GRAMD2B: variants seen among roughly 807,000 people sequenced by gnomAD.
GRAMD2B encodes GRAM domain-containing protein 2B.
A neutral mutation model predicts 59.2 loss-of-function variants in GRAMD2B; 41 were observed. The observed-to-expected ratio is 0.69, with a 90% CI of 0.54 to 0.90. The LOEUF (loss-of-function observed/expected upper bound fraction) is 0.90, where lower values mean the gene tolerates loss of function less well. Ranked by LOEUF, GRAMD2B falls within the 40% of genes least tolerant of loss-of-function variation. The probability of loss-of-function intolerance (pLI) is 0.00; values close to 1 mark genes in which losing one functional copy is unlikely to be tolerated. For missense variants in GRAMD2B, 424 were observed against 500.5 expected, an observed-to-expected ratio of 0.85 and a Z score of 1.46; for synonymous variants, 161 against 182.7, an observed-to-expected ratio of 0.88 and a Z score of 0.96.
At chr5:126,438,990 A>G (rs1453294476) in intron 1 of GRAMD2B, among the ~76,000 whole-genome samples, 1 of 152,218 alleles carries the variant, frequency 6.6e-6, no homozygotes, top group Non-Finnish European at 1.5e-5. Context: ...TAGAGATGAC[A>G]TATTGACAAA....
intron 1 of GRAMD2B, among the ~76,000 whole-genome samples, chr5:126,429,062 G>C (rs1280173624): frequency 6.6e-6 from 1 of 152,008 alleles, no homozygotes; most frequent in Non-Finnish European, 1.5e-5. Context: ...AATATAAATT[G>C]TTCTTTTATA....
intron 1 of GRAMD2B, among the ~76,000 whole-genome samples, chr5:126,394,252 A>G (rs1343173984): frequency 4.0e-5 from 6 of 151,458 alleles, no homozygotes; most frequent in Admixed American, 2.6e-4. Context: ...TCCAGCCCGG[A>G]CGACACAGCA....
intron 1 of GRAMD2B, among the ~76,000 whole-genome samples, chr5:126,390,128 C>T (rs1756599991): frequency 6.6e-6 from 1 of 152,100 alleles, no homozygotes; most frequent in Non-Finnish European, 1.5e-5. Context: ...CTGGAAGGTG[C>T]CTCCTCATTT....
chr5:126,376,405 G>C (rs1199860583), intron 1 of GRAMD2B, among the ~76,000 whole-genome samples: 1 of 152,218 alleles, frequency 6.6e-6, no homozygotes, highest in Non-Finnish European at 1.5e-5. Flanking sequence ...CCTCCATTTA[G>C]TGGCTCCAAT....
chr5:126,469,485 A>G (rs1002872139), intron 2 of GRAMD2B, among the ~76,000 whole-genome samples, 192 bp from the exon 3 acceptor site: 7 of 152,172 alleles, frequency 4.6e-5, no homozygotes, highest in African/African-American at 1.7e-4. Flanking sequence ...CTACAAAAAA[A>G]TGAGCTGGGC....
chr5:126,478,506 C>T (rs1771082400), intron 6 of GRAMD2B, among the ~76,000 whole-genome samples: 1 of 151,874 alleles, frequency 6.6e-6, no homozygotes, highest in Non-Finnish European at 1.5e-5. Flanking sequence ...TTTGGGAGGC[C>T]CAAATGGGCA....
chr5:126,443,966 C>A (rs1352953144), intron 1 of GRAMD2B, among the ~76,000 whole-genome samples: 4 of 151,916 alleles, frequency 2.6e-5, no homozygotes, highest in African/African-American at 9.7e-5. Context: ...GCAGGAGAAT[C>A]ACTTGAACCC....
upstream of GRAMD2B, among the ~76,000 whole-genome samples, chr5:126,366,406 C>A (rs1754438308): frequency 6.6e-6 from 1 of 152,170 alleles, no homozygotes; most frequent in South Asian, 2.1e-4. Context: ...CAAATCATAT[C>A]TTTCACTTAT....
At chr5:126,391,318 T>TGAAAAAAAAAAAAAAAAAAA (rs1756731453) in intron 1 of GRAMD2B, among the ~76,000 whole-genome samples, 1 of 6,996 alleles carries the variant, frequency 1.4e-4, no homozygotes, top group Non-Finnish European at 3.8e-4. Flanking sequence ...AGACTCCATC[T>TGAAAAAAAAAAAAAAAAAAA]CAAAAAAAAA....
intron 1 of GRAMD2B, among the ~76,000 whole-genome samples, chr5:126,460,838 G>A (rs1001321189): frequency 2.0e-5 from 3 of 152,138 alleles, no homozygotes; most frequent in African/African-American, 7.2e-5. Flanking sequence ...CCCATTGCCA[G>A]GCATTTATTC....
At chr5:126,448,839 T>C (rs1424159440) in intron 1 of GRAMD2B, among the ~76,000 whole-genome samples, 21 of 152,350 alleles carry the variant, frequency 1.4e-4, no homozygotes. Context: ...AACTCATCTT[T>C]GTTTCCTTAT....
rs199685318 is a variant in GRAMD2B, at chr5:126,488,840, A to G, written c.1205A>G (p.Asn402Ser). The G allele has an allele frequency of 1.2e-5, 19 of 1,613,788 alleles. No homozygotes were observed. The highest frequency in any genetic ancestry group is 1.5e-5 in the Non-Finnish European group (18 of 1,179,854). ...GGCCTGAGGTCACAAGTACAATTCA[A>G]TGTGGAGGTTCTCTGTCAAGAGCTT... is the stretch of plus-strand genomic sequence containing the variant. ...PSGLRSQVQFNVEVLCQELTA... is the reference protein window; with the variant it reads ...PSGLRSQVQFSVEVLCQELTA... Residue 402 changes from asparagine (N) to serine (S), a missense_variant, in exon 13 of 14, where the codon AAT becomes AGT. Physicochemically the swap from Asn to Ser is conservative, Grantham distance 46. Coordinates refer to ENST00000285689, the MANE Select transcript of GRAMD2B (RefSeq NM_023927.4).
intron 1 of GRAMD2B, among the ~76,000 whole-genome samples, chr5:126,399,215 G>A (rs776397666): frequency 6.6e-6 from 1 of 152,044 alleles, no homozygotes; most frequent in Admixed American, 6.6e-5. Context: ...TACTATTATA[G>A]TATTGCTCTT....
Position 126,454,657 on chromosome 5 carries a change from A to G in GRAMD2B, c.84-10769A>G, listed in dbSNP as rs942605223. 3.3e-5 allele frequency among the ~76,000 whole-genome samples: 5 copies of G among 152,212 alleles called. No individual in the cohort carries two copies. The East Asian group carries it at 7.7e-4, about 23-fold the overall frequency. The stretch of plus-strand genomic sequence containing the variant: ...TTGTTCATGGGACAATGACTTGTCC[A>G]CTTTCATGAGAACAGAGGGGTCTTC... On this transcript the variant is annotated intron_variant, in intron 1 of 13. Transcript: ENST00000285689.
chr5:126,427,213 C>A (rs1049398861), intron 1 of GRAMD2B, among the ~76,000 whole-genome samples: 5 of 152,206 alleles, frequency 3.3e-5, no homozygotes, highest in African/African-American at 1.2e-4. Flanking sequence ...CTGCACCCAT[C>A]AACCCATCAT....
intron 1 of GRAMD2B, among the ~76,000 whole-genome samples, chr5:126,444,097 A>G: frequency 6.6e-6 from 1 of 151,834 alleles, no homozygotes; most frequent in East Asian, 1.9e-4. Context: ...ACCACCACTA[A>G]TACCACCACC....
At chr5:126,378,801 C>G (rs1054028122) in intron 1 of GRAMD2B, among the ~76,000 whole-genome samples, 1 of 152,174 alleles carries the variant, frequency 6.6e-6, no homozygotes, top group African/African-American at 2.4e-5. Context: ...TAATTTTACA[C>G]AAATGGTTTT....
At chr5:126,461,270 C>G (rs1219575323) in intron 1 of GRAMD2B, among the ~76,000 whole-genome samples, 5 of 152,162 alleles carry the variant, frequency 3.3e-5, no homozygotes, top group Non-Finnish European at 5.9e-5. Context: ...TTGAGTTTAG[C>G]TGAAACTCAC....
At chr5:126,397,284 G>C (rs935216376) in intron 1 of GRAMD2B, among the ~76,000 whole-genome samples, 1 of 152,162 alleles carries the variant, frequency 6.6e-6, no homozygotes, top group African/African-American at 2.4e-5. Context: ...AAACAGAGTG[G>C]TGTGATCTTG....
Sources: allele counts gnomAD v4.1 joint callset (sites outside exome capture counted in the v4.1 genomes callset), GRCh38; gene constraint gnomAD v4.1.1; transcripts MANE v1.5; gene names NCBI Gene and HGNC (gene_info 2026-07-23, HGNC 2026-07-21).